NUDCD1: variants seen among roughly 807,000 people sequenced by gnomAD.
The protein encoded by NUDCD1 is nudC domain-containing protein 1.
In NUDCD1, 60 loss-of-function variants were observed where a neutral mutation model predicts 67.8. The observed-to-expected ratio is 0.88, with a 90% confidence interval of 0.72 to 1.10. The LOEUF (loss-of-function observed/expected upper bound fraction) is 1.10, where lower values mean the gene tolerates loss of function less well. Among genes scored for constraint, NUDCD1 ranks in the 50% least tolerant of loss-of-function variants. The probability of loss-of-function intolerance (pLI) is 0.00; values close to 1 mark genes in which losing one functional copy is unlikely to be tolerated. For synonymous variants in NUDCD1, 244 were observed against 230.8 expected (o/e 1.06, Z -0.52); for missense variants, 643 against 695.0 (o/e 0.93, Z 0.84).
intron 1 of NUDCD1, among the ~76,000 whole-genome samples, chr8:109,333,636 T>A (rs1815868921): frequency 6.6e-6 from 1 of 152,038 alleles, no homozygotes; most frequent in South Asian, 2.1e-4. Flanking sequence ...ACGCCAGCCC[T>A]CAGACCTCAG....
rs147090067 is a variant in NUDCD1, at chr8:109,278,535, C to A, written c.1028+2433G>T. On this transcript the variant is annotated intron_variant, in intron 6 of 9. Coordinates refer to ENST00000239690, the MANE Select transcript of NUDCD1 (RefSeq NM_032869.4). ...TACTGAATTATTTCCACCATACAGG[C>A]AGTTCCCTTGGCCTTTCTTCAGTCA... 7.4e-3 allele frequency among the ~76,000 whole-genome samples: 1,132 copies of A among 152,250 alleles called. 12 individuals carry two copies. The highest frequency in any genetic ancestry group is 0.026 in the African/African-American group (1,082 of 41,538).
At chr8:109,276,046 T>C (rs1814279532) in intron 6 of NUDCD1, among the ~76,000 whole-genome samples, 1 of 152,096 alleles carries the variant, frequency 6.6e-6, no homozygotes, top group South Asian at 2.1e-4. Context: ...AACTGAAAAG[T>C]AGAAATAAGG....
intron 2 of NUDCD1, among the ~76,000 whole-genome samples, chr8:109,317,175 T>C (rs1043569398): frequency 2.6e-5 from 4 of 152,136 alleles, no homozygotes; most frequent in African/African-American, 9.7e-5. Context: ...ATAAACCCAT[T>C]ACTGCACAAA....
chr8:109,256,779 C>T (rs1219840369), intron 8 of NUDCD1, among the ~76,000 whole-genome samples: 1 of 151,718 alleles, frequency 6.6e-6, no homozygotes, highest in Non-Finnish European at 1.5e-5. Context: ...AGGGAAACAT[C>T]TTTTATGTAG....
chr8:109,299,770 C>T (rs1335559868), intron 2 of NUDCD1, among the ~76,000 whole-genome samples: 1 of 152,178 alleles, frequency 6.6e-6, no homozygotes, highest in East Asian at 1.9e-4. Context: ...CTCTGGAAAG[C>T]ACCACCTCCT....
intron 8 of NUDCD1, among the ~76,000 whole-genome samples, chr8:109,269,260 T>G (rs575347347): frequency 1.3e-5 from 2 of 152,182 alleles, no homozygotes; most frequent in African/African-American, 4.8e-5. Context: ...ATTGAAGAGA[T>G]AGAAATTAAT....
chr8:109,257,671 T>C (rs1398973240), intron 8 of NUDCD1, among the ~76,000 whole-genome samples: 1 of 152,120 alleles, frequency 6.6e-6, no homozygotes, highest in African/African-American at 2.4e-5. Flanking sequence ...AAACTCCCTG[T>C]AACGCGACAG....
intron 1 of NUDCD1, 77 bp from the exon 2 acceptor site, chr8:109,322,540 G>GAA: frequency 9.2e-7 from 1 of 1,086,636 alleles, no homozygotes; most frequent in Non-Finnish European, 1.3e-6. Flanking sequence ...TGCCTACAAG[G>GAA]CAAAAAAAAA....
intron 1 of NUDCD1, among the ~76,000 whole-genome samples, chr8:109,325,618 G>A (rs913478387): frequency 3.3e-5 from 5 of 152,210 alleles, no homozygotes; most frequent in African/African-American, 1.2e-4. Flanking sequence ...ACTGTTCAAA[G>A]AAGGCCACAC....
chr8:109,315,196 T>C (rs1432443101), intron 2 of NUDCD1: 1 of 152,122 alleles, frequency 6.6e-6, no homozygotes, highest in African/African-American at 2.4e-5. Flanking sequence ...TTTTTTTCTT[T>C]CATCAGGCAT....
chr8:109,320,707 A>G (rs922910762), intron 2 of NUDCD1, among the ~76,000 whole-genome samples: 1 of 152,202 alleles, frequency 6.6e-6, no homozygotes, highest in Non-Finnish European at 1.5e-5. Flanking sequence ...AAATCTTTAC[A>G]ATTTATGTTT....
Position 109,261,052 on chromosome 8 carries a change from T to C in NUDCD1, c.1299+9953A>G, listed in dbSNP as rs964598108. Among the ~76,000 whole-genome samples, 4 of 152,228 alleles carry C rather than the reference T, an allele frequency of 2.6e-5. 1 individual carries two copies. Among genetic ancestry groups the C allele is most frequent in the Admixed American group, 2.0e-4 (3 of 15,282 alleles). ...TTAATCCAAGGCCAAGACTCTAAGA[T>C]AATTTAAGAAATACATGTAGGGGGG... On this transcript the variant is annotated intron_variant, in intron 8 of 9. Coordinates refer to ENST00000239690, the MANE Select transcript of NUDCD1 (RefSeq NM_032869.4).
chr8:109,251,551 G>C (rs746854003), intron 8 of NUDCD1, among the ~76,000 whole-genome samples: 2 of 152,090 alleles, frequency 1.3e-5, no homozygotes, highest in Non-Finnish European at 2.9e-5. Context: ...CAAATACATG[G>C]AAATATAGTT....
At chr8:109,317,625 C>T (rs778612956) in intron 2 of NUDCD1, among the ~76,000 whole-genome samples, 1 of 152,116 alleles carries the variant, frequency 6.6e-6, no homozygotes, top group Non-Finnish European at 1.5e-5. Flanking sequence ...ATGTAATAAT[C>T]TCTATGCAAT....
At chr8:109,326,665 A>G (rs1170705327) in intron 1 of NUDCD1, among the ~76,000 whole-genome samples, 1 of 152,204 alleles carries the variant, frequency 6.6e-6, no homozygotes, top group Non-Finnish European at 1.5e-5. Flanking sequence ...AAAAGAACTT[A>G]GGGCCTCAAA....
chr8:109,321,845 A>C (rs1469522117), intron 2 of NUDCD1, among the ~76,000 whole-genome samples: 1 of 152,188 alleles, frequency 6.6e-6, no homozygotes, highest in African/African-American at 2.4e-5. Context: ...AGAAGATTTC[A>C]AGACAAAAAA....
chr8:109,254,978 T>C (rs1487535988), intron 8 of NUDCD1, among the ~76,000 whole-genome samples: 1 of 152,154 alleles, frequency 6.6e-6, no homozygotes, highest in Non-Finnish European at 1.5e-5. Context: ...TTATTTAACC[T>C]TTGCTAACTG....
intron 8 of NUDCD1, among the ~76,000 whole-genome samples, chr8:109,261,838 C>G (rs1813869205): frequency 6.6e-6 from 1 of 152,064 alleles, no homozygotes; most frequent in South Asian, 2.1e-4. Context: ...AAATTTTCTT[C>G]AAGTAGGACT....
chr8:109,264,793 A>G (rs1485323260), intron 8 of NUDCD1, among the ~76,000 whole-genome samples: 3 of 152,086 alleles, frequency 2.0e-5, no homozygotes, highest in African/African-American at 7.2e-5. Flanking sequence ...GGATTCAACT[A>G]TATTAATGCA....
Sources: allele counts gnomAD v4.1 joint callset (sites outside exome capture counted in the v4.1 genomes callset), GRCh38; gene constraint gnomAD v4.1.1; transcripts MANE v1.5; gene names NCBI Gene and HGNC (gene_info 2026-07-23, HGNC 2026-07-21).